Variants in KIAA0825 observed in about 807,000 individuals in gnomAD.
The protein encoded by KIAA0825 is KIAA0825.
Under a neutral mutation model 147.6 loss-of-function variants are expected in KIAA0825, and 119 were observed. The observed-to-expected ratio is 0.81, with a 90% CI of 0.69 to 0.94. The LOEUF (loss-of-function observed/expected upper bound fraction) is 0.94. KIAA0825 is among the 40% of genes least tolerant of loss of function. KIAA0825 has a pLI of 0.00. For synonymous variants in KIAA0825, 470 were observed against 518.1 expected (o/e 0.91, Z 1.26); for missense variants, 1,381 against 1,472.7 (o/e 0.94, Z 1.02).
intron 20 of KIAA0825, among the ~76,000 whole-genome samples, chr5:94,186,668 T>A (rs1214697918): frequency 6.6e-6 from 1 of 152,238 alleles, no homozygotes; most frequent in Admixed American, 6.5e-5. Flanking sequence ...CACATAATCC[T>A]GCTCAGAGAT....
At position 94,448,345 on chromosome 5, in the gene KIAA0825, C is replaced by T. The variant is rs529357080; in HGVS notation, c.2357+4614G>A. Reference sequence around the variant, plus strand: ...AGAATATGAAAAATTGTGCTTTTATCCATTTCATAGTTTTCTCTAGTAAGA... The same window carrying T: ...AGAATATGAAAAATTGTGCTTTTATTCATTTCATAGTTTTCTCTAGTAAGA... On this transcript the variant is annotated intron_variant, in intron 13 of 20. Coordinates refer to ENST00000682413, the MANE Select transcript of KIAA0825 (RefSeq NM_001145678.3). 2.0e-5 allele frequency among the ~76,000 whole-genome samples: 3 copies of T among 151,858 alleles called. No individual in the cohort carries two copies. The East Asian group carries it at 5.8e-4, about 29-fold the overall frequency.
chr5:94,382,457 G>A (rs1285172194), intron 20 of KIAA0825, among the ~76,000 whole-genome samples: 1 of 152,168 alleles, frequency 6.6e-6, no homozygotes, highest in African/African-American at 2.4e-5. Context: ...AAATCGGTGA[G>A]CGATAGAAAA....
At chr5:94,343,288 A>G (rs1782627108) in intron 20 of KIAA0825, among the ~76,000 whole-genome samples, 1 of 152,210 alleles carries the variant, frequency 6.6e-6, no homozygotes. Flanking sequence ...GGGTAGGGAA[A>G]GGTTTATTTA....
At position 94,353,582 on chromosome 5, in the gene KIAA0825, AAAAT is replaced by A. The variant is rs1452115572; in HGVS notation, c.3710+30782_3710+30785del. On this transcript the variant is annotated intron_variant, in intron 20 of 20. Transcript: ENST00000682413. Reference sequence around the variant, plus strand: ...TATTTACCACTAACAGTATAGATAAAAAATAAATGGCCATTAGATTCACTTCAAG... The same window carrying A: ...TATTTACCACTAACAGTATAGATAAAAAATGGCCATTAGATTCACTTCAAG... Among the ~76,000 whole-genome samples the A allele has an allele frequency of 5.3e-5, 8 of 152,354 alleles. No homozygotes were observed. In the South Asian group the frequency reaches 1.4e-3, roughly 28 times the overall value.
intron 20 of KIAA0825, among the ~76,000 whole-genome samples, chr5:94,174,518 T>A (rs1051025374): frequency 1.3e-5 from 2 of 152,108 alleles, no homozygotes; most frequent in East Asian, 1.9e-4. Flanking sequence ...GTGTAAAAAA[T>A]TCATACCTTG....
chr5:94,567,116 G>A (rs1778847396), intron 2 of KIAA0825, among the ~76,000 whole-genome samples: 1 of 152,106 alleles, frequency 6.6e-6, no homozygotes, highest in Non-Finnish European at 1.5e-5. Context: ...GCATTTCAAA[G>A]CGTAATTGGG....
intron 16 of KIAA0825, 60 bp downstream of exon 16, chr5:94,403,509 C>T (rs1484606157): frequency 1.6e-6 from 2 of 1,270,660 alleles, no homozygotes; most frequent in Non-Finnish European, 2.2e-6. Context: ...TACTTGATTA[C>T]ATACCCTAGA....
At chr5:94,301,109 T>C (rs1288061321) in intron 20 of KIAA0825, among the ~76,000 whole-genome samples, 1 of 152,192 alleles carries the variant, frequency 6.6e-6, no homozygotes, top group Non-Finnish European at 1.5e-5. Context: ...TCTTTCACTT[T>C]TAAATTGCTC....
At chr5:94,378,946 G>T (rs565259794) in intron 20 of KIAA0825, among the ~76,000 whole-genome samples, 9 of 151,944 alleles carry the variant, frequency 5.9e-5, no homozygotes, top group Non-Finnish European at 8.8e-5. Context: ...CTTTTTAATG[G>T]GGTTGTTTGC....
chr5:94,271,791 T>C (rs999538009), intron 20 of KIAA0825, among the ~76,000 whole-genome samples: 1 of 151,884 alleles, frequency 6.6e-6, no homozygotes, highest in Admixed American at 6.6e-5. Context: ...ACCTACCCTA[T>C]GATCCAACAA....
chr5:94,421,770 T>C (rs762819733), intron 14 of KIAA0825, among the ~76,000 whole-genome samples: 11 of 152,184 alleles, frequency 7.2e-5, no homozygotes, highest in African/African-American at 1.9e-4. Flanking sequence ...TCCAGACTTA[T>C]AATTTTCTAT....
At chr5:94,191,050 C>T (rs191363661) in intron 20 of KIAA0825, among the ~76,000 whole-genome samples, 89 of 152,014 alleles carry the variant, frequency 5.9e-4, no homozygotes, top group African/African-American at 1.6e-3. Flanking sequence ...TTTGCTTTGA[C>T]ATTATGTTAC....
intron 15 of KIAA0825, chr5:94,414,119 C>G (rs746543083): frequency 1.3e-5 from 2 of 152,088 alleles, no homozygotes; most frequent in Non-Finnish European, 2.9e-5. Context: ...GAATCTCAAC[C>G]CTTAATTTTG....
chr5:94,440,270 G>A, intron 13 of KIAA0825, 149 bp from the exon 14 acceptor site: 3 of 830,574 alleles, frequency 3.6e-6, no homozygotes, highest in Non-Finnish European at 5.4e-6. Flanking sequence ...TTACTTTAGG[G>A]TTGCCTGGGG....
At chr5:94,464,779 A>G in intron 11 of KIAA0825, 90 bp downstream of exon 11, 1 of 1,028,958 alleles carries the variant, frequency 9.7e-7, no homozygotes, top group South Asian at 1.8e-5. Context: ...TTAAATATAT[A>G]AGGAGTATGT....
intron 20 of KIAA0825, among the ~76,000 whole-genome samples, chr5:94,311,739 CCAAT>C (rs1488816689): frequency 6.6e-6 from 1 of 151,666 alleles, no homozygotes; most frequent in African/African-American, 2.4e-5. Flanking sequence ...TCCTTACGAG[CCAAT>C]CCAACATCAC....
chr5:94,374,114 C>T (rs150869641), intron 20 of KIAA0825, among the ~76,000 whole-genome samples: 250 of 152,218 alleles, frequency 1.6e-3, no homozygotes, highest in Non-Finnish European at 3.0e-3. Flanking sequence ...TCTATACAAG[C>T]AAGTTTTAAA....
chr5:94,458,781 T>C (rs552022209), intron 12 of KIAA0825, among the ~76,000 whole-genome samples: 4 of 152,214 alleles, frequency 2.6e-5, no homozygotes, highest in African/African-American at 7.2e-5. Flanking sequence ...TAAATGTGTT[T>C]AAATTTCCAT....
chr5:94,374,136 TC>T (rs1387727178), intron 20 of KIAA0825, among the ~76,000 whole-genome samples: 1 of 152,200 alleles, frequency 6.6e-6, no homozygotes, highest in African/African-American at 2.4e-5. Context: ...TAGTTTTTGA[TC>T]CAGTGCAAGA....
Sources: allele counts gnomAD v4.1 joint callset (sites outside exome capture counted in the v4.1 genomes callset), GRCh38; gene constraint gnomAD v4.1.1; transcripts MANE v1.5; gene names NCBI Gene and HGNC (gene_info 2026-07-23, HGNC 2026-07-21).